The following PCLO variants were observed in gnomAD, a reference collection of about 807,000 sequenced individuals.
PCLO encodes protein piccolo.
PCLO carries 82 observed loss-of-function variants against 427.5 expected under a neutral mutation model. The ratio of observed to expected loss-of-function variants is 0.19; its 90% CI spans 0.16 to 0.23. The LOEUF is 0.23. Ranked by LOEUF, PCLO falls within the 10% of genes least tolerant of loss-of-function variation. The pLI, the probability that PCLO is intolerant of heterozygous loss-of-function variation, is 1.00. For missense variants in PCLO, 6,239 were observed against 6,115.9 expected (o/e 1.02, Z -0.67); for synonymous variants, 2,357 against 2,155.4 (o/e 1.09, Z -2.59).
intron 4 of PCLO, among the ~76,000 whole-genome samples, chr7:82,958,001 T>G (rs1055380297): frequency 2.0e-5 from 3 of 152,206 alleles, no homozygotes; most frequent in African/African-American, 7.2e-5. Flanking sequence ...ACTTTTTTGC[T>G]AATTAAAAAT....
At chr7:83,024,211 G>A (rs1012291793) in intron 3 of PCLO, among the ~76,000 whole-genome samples, 4 of 152,182 alleles carry the variant, frequency 2.6e-5, no homozygotes, top group African/African-American at 4.8e-5. Context: ...ATCTTACTAG[G>A]GAGTGCCAGA....
chr7:82,837,223 T>C (rs553461886), intron 15 of PCLO, among the ~76,000 whole-genome samples: 2 of 152,152 alleles, frequency 1.3e-5, no homozygotes, highest in South Asian at 2.1e-4. Context: ...AGGGAGTGTA[T>C]GAGGAAAAGA....
chr7:82,837,810 CAT>C (rs1036497094), intron 15 of PCLO, among the ~76,000 whole-genome samples: 8 of 151,950 alleles, frequency 5.3e-5, no homozygotes, highest in Admixed American at 1.3e-4. Context: ...GGAAAATACA[CAT>C]GTCCTATAAA....
chr7:82,954,697 G>C lies in PCLO; in HGVS notation c.6256C>G (p.Pro2086Ala). 1 of 1,613,846 alleles carries C rather than the reference G, an allele frequency of 6.2e-7. No homozygotes were observed. Residue 2086 changes from proline to alanine, a missense_variant, in exon 5 of 25, where the codon CCC (proline) becomes GCC (alanine). Transcript: ENST00000333891. ...LTPGSSPTQA[P>A]IGEDMTESTM... ...GACTCTGTCATATCCTCACCAATGG[G>C]GGCCTGGGTTGGGCTAGATCCAGGT...
intron 3 of PCLO, 49 bp from the exon 4 acceptor site, chr7:82,966,536 C>A: frequency 8.5e-7 from 1 of 1,176,458 alleles, no homozygotes; most frequent in South Asian, 2.0e-5. Flanking sequence ...TATAATGTAT[C>A]TGTTTCTGTG....
chr7:82,761,461 C>T lies in PCLO; in HGVS notation c.15040G>A (p.Ala5014Thr), dbSNP rs2129467562. ...TCTGTCTTCATTTCCTTCTTCAATG[C>T]AATCTTGATTTCTCCCATTACCTGA... ...KTQVMGEIKI[A>T]LKKEMKTDGE... The change falls in exon 23 of 25, where the codon GCA becomes ACA. Residue 5014 changes from alanine (A) to threonine (T), a missense_variant. Ala to Thr is a moderately conservative substitution (Grantham distance 58). Transcript: ENST00000333891. 1 of 1,598,698 alleles carries T rather than the reference C, an allele frequency of 6.3e-7. No individual in the cohort carries two copies. Among genetic ancestry groups the T allele is most frequent in the Non-Finnish European group, 8.5e-7 (1 of 1,171,840 alleles).
intron 3 of PCLO, among the ~76,000 whole-genome samples, chr7:83,082,116 TACAC>T (rs144592853): frequency 1.3e-5 from 2 of 148,880 alleles, no homozygotes; most frequent in African/African-American, 4.9e-5. Context: ...TCCTATACTA[TACAC>T]ACACACACAC....
At chr7:82,845,534 T>G in intron 12 of PCLO, 49 bp from the exon 13 acceptor site, 1 of 1,252,378 alleles carries the variant, frequency 8.0e-7, no homozygotes, top group Non-Finnish European at 1.2e-6. Context: ...TCATAGGTAC[T>G]TTATACCATG....
chr7:82,786,838 G>T (rs558637356), intron 22 of PCLO, among the ~76,000 whole-genome samples: 3 of 152,194 alleles, frequency 2.0e-5, no homozygotes, highest in Non-Finnish European at 2.9e-5. Context: ...AGAACATACG[G>T]TGTTTGGTTT....
chr7:82,886,055 C>A (rs1224235886), intron 9 of PCLO, among the ~76,000 whole-genome samples: 1 of 151,928 alleles, frequency 6.6e-6, no homozygotes, highest in East Asian at 1.9e-4. Context: ...AAGTTGCAAC[C>A]AAATAATAAA....
chr7:83,034,444 C>A lies in PCLO; in HGVS notation c.3301-67957G>T, dbSNP rs913082410. Among the ~76,000 whole-genome samples, 8 of 152,142 alleles carry A rather than the reference C, an allele frequency of 5.3e-5. No individual in the cohort carries two copies. The East Asian group carries it at 1.5e-3, about 29-fold the overall frequency. On this transcript the variant is annotated intron_variant, in intron 3 of 24. Transcript: ENST00000333891. ...CCTCAAGCGATCTGCTTGCCTCGGC[C>A]CCCACAGTGCTGGGATTATAGGCAA... is the stretch of plus-strand genomic sequence containing the variant.
chr7:82,953,423 G>A lies in PCLO; in HGVS notation c.7530C>T (p.Ile2510=), dbSNP rs762713019. The A allele has an allele frequency of 1.4e-5, 23 of 1,613,500 alleles. No homozygotes were observed. Among genetic ancestry groups the A allele is most frequent in the African/African-American group, 1.1e-4 (8 of 74,810 alleles). ...GCTGAGGAATCACTGGTTTGGGGGC[G>A]ATTGGAGGTTTGCTTGGCTCAGGCC... ...THRPEPSKPP[I]APKPVIPQLP... Residue 2510 remains isoleucine (I), a synonymous_variant, in exon 5 of 25, where the codon ATC becomes ATT. Coordinates refer to ENST00000333891, the MANE Select transcript of PCLO (RefSeq NM_033026.6).
At chr7:83,011,595 TTTTA>T (rs1788078059) in intron 3 of PCLO, among the ~76,000 whole-genome samples, 1 of 91,538 alleles carries the variant, frequency 1.1e-5, no homozygotes, top group African/African-American at 4.9e-5. Flanking sequence ...AATACTATAA[TTTTA>T]AGCTGAAAAA....
intron 6 of PCLO, among the ~76,000 whole-genome samples, chr7:82,940,511 GT>G (rs1795057052): frequency 6.6e-6 from 1 of 152,020 alleles, no homozygotes; most frequent in Non-Finnish European, 1.5e-5. Flanking sequence ...CAATATTTGT[GT>G]TTTTCACACA....
chr7:82,778,483 G>T (rs1051553573), intron 22 of PCLO, among the ~76,000 whole-genome samples: 4 of 151,956 alleles, frequency 2.6e-5, no homozygotes, highest in Admixed American at 2.0e-4. Context: ...ATTGAATATT[G>T]TTTTCTTTTG....
intron 3 of PCLO, among the ~76,000 whole-genome samples, chr7:83,020,878 G>A (rs938817424): frequency 6.6e-6 from 1 of 152,128 alleles, no homozygotes; most frequent in African/African-American, 2.4e-5. Flanking sequence ...TCTCTGATCT[G>A]CTTTCTCATA....
intron 3 of PCLO, among the ~76,000 whole-genome samples, chr7:83,069,193 G>T (rs1789743974): frequency 6.6e-6 from 1 of 152,128 alleles, no homozygotes; most frequent in Admixed American, 6.5e-5. Context: ...ATACATGGCA[G>T]ATGGGTTCCT....
intron 20 of PCLO, among the ~76,000 whole-genome samples, chr7:82,809,812 C>T (rs1273853378): frequency 1.3e-5 from 2 of 151,040 alleles, no homozygotes; most frequent in Non-Finnish European, 3.0e-5. Context: ...CTTTTAAAAT[C>T]AGAGATAACT....
chr7:82,795,107 T>G (rs572245336), intron 22 of PCLO, among the ~76,000 whole-genome samples: 1 of 152,302 alleles, frequency 6.6e-6, no homozygotes, highest in African/African-American at 2.4e-5. Flanking sequence ...TTAATCTCCT[T>G]AATTAACCTG....
Sources: allele counts gnomAD v4.1 joint callset (sites outside exome capture counted in the v4.1 genomes callset), GRCh38; gene constraint gnomAD v4.1.1; transcripts MANE v1.5; gene names NCBI Gene and HGNC (gene_info 2026-07-23, HGNC 2026-07-21).